BRF1: variants seen among roughly 807,000 people sequenced by gnomAD.
The protein encoded by BRF1 is transcription factor IIIB 90 kDa subunit.
Under a neutral mutation model 81.7 loss-of-function variants are expected in BRF1, and 59 were observed. The observed-to-expected ratio is 0.72, with a 90% CI of 0.59 to 0.90. The LOEUF (loss-of-function observed/expected upper bound fraction) is 0.90. Ranked by LOEUF, BRF1 falls within the 40% of genes least tolerant of loss-of-function variation. The pLI, the probability that BRF1 is intolerant of heterozygous loss-of-function variation, is 0.00. For synonymous variants in BRF1, 491 were observed against 395.6 expected (o/e 1.24, Z -2.86); for missense variants, 1,050 against 936.3 (o/e 1.12, Z -1.58).
At chr14:105,270,351 A>G (rs2056604708) in intron 3 of BRF1, among the ~76,000 whole-genome samples, 1 of 151,480 alleles carries the variant, frequency 6.6e-6, no homozygotes, top group South Asian at 2.1e-4. Flanking sequence ...TTTTTTTTGT[A>G]TTTTTAGTAC....
intron 14 of BRF1, 59 bp from the exon 15 acceptor site, chr14:105,217,859 A>G (rs1249536519): frequency 6.3e-7 from 1 of 1,585,066 alleles, no homozygotes; most frequent in Non-Finnish European, 8.6e-7. Context: ...CTCCACCATC[A>G]GGGGCTCCAC....
intron 5 of BRF1, chr14:105,247,581 A>G (rs2055205110): frequency 4.1e-6 from 4 of 985,300 alleles, no homozygotes; most frequent in Non-Finnish European, 3.6e-6. Flanking sequence ...TACAACTGTA[A>G]CGACCACAGA....
chr14:105,303,594 T>C (rs2058096669), upstream of BRF1, among the ~76,000 whole-genome samples: 1 of 152,324 alleles, frequency 6.6e-6, no homozygotes, highest in East Asian at 1.9e-4. Context: ...AAGATCTCTT[T>C]TCCTTTATAA....
intron 3 of BRF1, among the ~76,000 whole-genome samples, chr14:105,264,226 G>C (rs7153832): frequency 6.6e-6 from 1 of 151,786 alleles, no homozygotes; most frequent in African/African-American, 2.4e-5. Context: ...ATCCTAGCAC[G>C]TTGGGAGGCC....
chr14:105,272,906 C>G lies in BRF1; in HGVS notation c.266-12G>C. On this transcript the variant is annotated splice_polypyrimidine_tract_variant and intron_variant, in intron 2 of 17. Coordinates refer to ENST00000547530, the MANE Select transcript of BRF1 (RefSeq NM_001519.4). ...GATGTGGCGCCTCCCTAGGACACAG[C>G]ACGAGGCAGCTCTTAGCCAAATGTT... is the stretch of plus-strand genomic sequence containing the variant. 1 of 1,586,104 alleles carries G rather than the reference C, an allele frequency of 6.3e-7. No homozygotes were observed. Among genetic ancestry groups the G allele is most frequent in the African/African-American group, 1.3e-5 (1 of 74,588 alleles).
At chr14:105,307,550 G>A (rs2058225632) in intron 1 of BRF1, among the ~76,000 whole-genome samples, 1 of 152,044 alleles carries the variant, frequency 6.6e-6, no homozygotes, top group Non-Finnish European at 1.5e-5. Flanking sequence ...GGTTGTCTCT[G>A]TGTCTGTCAT....
chr14:105,219,874 C>CCCGAG, intron 12 of BRF1, 195 bp downstream of exon 12: 1 of 638,736 alleles, frequency 1.6e-6, no homozygotes, highest in South Asian at 1.9e-5. Flanking sequence ...ACAGGCCGCC[C>CCCGAG]CCGAGCCGAC....
intron 3 of BRF1, among the ~76,000 whole-genome samples, chr14:105,268,838 G>C (rs1386073672): frequency 1.3e-5 from 2 of 152,196 alleles, no homozygotes; most frequent in African/African-American, 4.8e-5. Context: ...AGTCCAGAAG[G>C]TGACGGGAGC....
upstream of BRF1, among the ~76,000 whole-genome samples, chr14:105,305,047 G>A (rs371185473): frequency 6.6e-6 from 1 of 152,196 alleles, no homozygotes; most frequent in South Asian, 2.1e-4. Context: ...TAGAGAGGTG[G>A]GGCCTTTGGG....
intron 5 of BRF1, among the ~76,000 whole-genome samples, chr14:105,245,463 A>G (rs1410991343): frequency 6.6e-6 from 1 of 152,206 alleles, no homozygotes; most frequent in Non-Finnish European, 1.5e-5. Context: ...AGGCAAAGGG[A>G]CTAATAAGAA....
rs1348994508 is a variant in BRF1 at position 105,272,908 on chromosome 14, C to T, written c.266-14G>A. ...TGTGGCGCCTCCCTAGGACACAGCA[C>T]GAGGCAGCTCTTAGCCAAATGTTCC... On this transcript the variant is annotated splice_polypyrimidine_tract_variant and intron_variant, in intron 2 of 17. Coordinates refer to ENST00000547530, the MANE Select transcript of BRF1 (RefSeq NM_001519.4). 7.0e-6 allele frequency: 11 copies of T among 1,571,488 alleles called. No homozygotes were observed. The highest frequency in any genetic ancestry group is 3.6e-5 in the Admixed American group (2 of 56,016).
Position 105,300,633 on chromosome 14 carries a change from G to C in BRF1, c.-4C>G. 7.3e-7 allele frequency: 1 copy of C among 1,363,866 alleles called. No homozygotes were observed. Among genetic ancestry groups the C allele is most frequent in the Non-Finnish European group, 9.4e-7 (1 of 1,069,144 alleles). The allele number at this position is 1,363,866 out of a possible 1,614,324, so 84.5% of individuals were successfully genotyped here. A position where few individuals can be genotyped will look rare whatever the true frequency, so the allele number is the denominator to read the frequency against. On this transcript the variant is annotated 5_prime_UTR_variant, in exon 1 of 18. Transcript: ENST00000547530. ...CGCGGCACACGCGGCCCGTCATGCC[G>C]GCGACCGCGCGGGCAGCGCCCGGAG...
intron 2 of BRF1, among the ~76,000 whole-genome samples, chr14:105,281,568 G>C (rs1185004607): frequency 6.6e-6 from 1 of 152,082 alleles, no homozygotes; most frequent in African/African-American, 2.4e-5. Context: ...TGTGGACAGA[G>C]CCTGCGTGAT....
At chr14:105,228,279 G>C (rs191087090) in intron 7 of BRF1, 1 of 152,736 alleles carries the variant, frequency 6.5e-6, no homozygotes, top group Non-Finnish European at 1.5e-5. Flanking sequence ...AACACGGGGC[G>C]CGGTGGCTCA....
chr14:105,250,715 G>A, intron 5 of BRF1: 2 of 1,562,436 alleles, frequency 1.3e-6, no homozygotes, highest in South Asian at 1.2e-5. Context: ...TGAGTGGAGG[G>A]GAAGTCAAGA....
chr14:105,253,873 T>TG (rs937193619), intron 4 of BRF1, among the ~76,000 whole-genome samples: 2 of 152,208 alleles, frequency 1.3e-5, no homozygotes, highest in Non-Finnish European at 2.9e-5. Flanking sequence ...CTCACCAAAC[T>TG]GGGGGGCGTG....
At chr14:105,250,464 G>C (rs780142582) in intron 5 of BRF1, 1 of 1,614,032 alleles carries the variant, frequency 6.2e-7, no homozygotes, top group Non-Finnish European at 8.5e-7. Flanking sequence ...TTCCCGGTCT[G>C]GTTTGAACAC....
intron 5 of BRF1, among the ~76,000 whole-genome samples, chr14:105,243,383 G>A (rs953931788): frequency 6.6e-6 from 1 of 151,454 alleles, no homozygotes; most frequent in Non-Finnish European, 1.5e-5. Context: ...CTGGGAGGTG[G>A]AGGTTATAGT....
intron 3 of BRF1, among the ~76,000 whole-genome samples, chr14:105,261,073 A>T (rs587770184): frequency 6.6e-6 from 1 of 152,228 alleles, no homozygotes; most frequent in African/African-American, 2.4e-5. Context: ...ATCAGAAAAA[A>T]GTCTGCAGAG....
Sources: gnomAD v4.1 joint callset for allele counts (sites outside exome capture counted in the v4.1 genomes callset) on GRCh38, gnomAD v4.1.1 for gene constraint, MANE v1.5 for transcripts, NCBI Gene and HGNC (gene_info 2026-07-23, HGNC 2026-07-21) for gene names.